Variants in CFAP46 observed in about 807,000 individuals in gnomAD.
CFAP46 encodes cilia- and flagella-associated protein 46.
CFAP46 carries 245 observed loss-of-function variants against 325.7 expected under a neutral mutation model. The ratio of observed to expected loss-of-function variants is 0.75; its 90% CI spans 0.68 to 0.84. The LOEUF is 0.84. Among genes scored for constraint, CFAP46 ranks in the 40% least tolerant of loss-of-function variants. The pLI, the probability that CFAP46 is intolerant of heterozygous loss-of-function variation, is 0.00. For missense variants in CFAP46, 3,346 were observed against 3,543.0 expected (o/e 0.94, Z 1.41); for synonymous variants, 1,523 against 1,495.9 (o/e 1.02, Z -0.42).
In CFAP46 at chr10:132,890,723, C is replaced by A. The variant is rs149304498; in HGVS notation, c.3304+1610G>T. Among the ~76,000 whole-genome samples, 22 of 152,292 alleles carry A rather than the reference C, an allele frequency of 1.4e-4. 2 individuals carry two copies. In the East Asian group the frequency reaches 4.1e-3, roughly 28 times the overall value. ...CCTAGGATTAACCCTTCCTCTGCTG[C>A]AGCCTAGCCTCTCAGTGGACGGACT... On this transcript the variant is annotated intron_variant, in intron 25 of 57. Coordinates refer to ENST00000368586, the MANE Select transcript of CFAP46 (RefSeq NM_001200049.3).
At chr10:132,818,636 T>C (rs1165426601) in intron 50 of CFAP46, among the ~76,000 whole-genome samples, 1 of 152,108 alleles carries the variant, frequency 6.6e-6, no homozygotes, top group East Asian at 1.9e-4. Flanking sequence ...GTGGATCACC[T>C]GAGGGCAGGA....
chr10:132,878,309 G>A (rs762388476), intron 29 of CFAP46, among the ~76,000 whole-genome samples: 53 of 152,298 alleles, frequency 3.5e-4, no homozygotes, highest in South Asian at 1.5e-3. Flanking sequence ...GGACATGCCC[G>A]TGAGCCTGCT....
chr10:132,912,473 CTT>C (rs1222555168), intron 19 of CFAP46, among the ~76,000 whole-genome samples, 180 bp downstream of exon 19: 2 of 139,586 alleles, frequency 1.4e-5, no homozygotes, highest in African/African-American at 5.4e-5. Context: ...CTCTCTCTCT[CTT>C]CACATCTCTC....
At chr10:132,898,669 G>A (rs1330658363) in intron 24 of CFAP46, 1 of 478,616 alleles carries the variant, frequency 2.1e-6, no homozygotes, top group Middle Eastern at 3.0e-4. Flanking sequence ...TTAAGGCAGG[G>A]ACTGTGCTGG....
rs1261151531 is a variant in CFAP46 at position 132,939,769 on chromosome 10, G to A, written c.372-1016C>T. ...GTCTCCCTGAGTGCTGCGTCTCCCT[G>A]AGTGCTGCGTCTCGAAAGGAACCCG... On this transcript the variant is annotated intron_variant, in intron 4 of 57. Coordinates refer to ENST00000368586, the MANE Select transcript of CFAP46 (RefSeq NM_001200049.3). The surrounding 1 kb of genome is among the most constrained non-coding windows in gnomAD (Gnocchi z 4.6). Among the ~76,000 whole-genome samples, 3 of 152,132 alleles carry A rather than the reference G, an allele frequency of 2.0e-5. No individual in the cohort carries two copies. Among genetic ancestry groups the A allele is most frequent in the African/African-American group, 7.2e-5 (3 of 41,428 alleles).
Position 132,850,451 on chromosome 10 carries a change from G to C in CFAP46, c.5764-19C>G. On this transcript the variant is annotated intron_variant, in intron 40 of 57. Transcript: ENST00000368586. ...ACCATTGCTTCGAAAAGACAGACAT[G>C]TTACAGCTGCCACCCCAAGGGCAAC... 6.5e-7 allele frequency: 1 copy of C among 1,534,238 alleles called. No homozygotes were observed. The highest frequency in any genetic ancestry group is 8.8e-7 in the Non-Finnish European group (1 of 1,135,186).
intron 3 of CFAP46, 79 bp downstream of exon 3, chr10:132,941,512 C>T (rs1039620354): frequency 6.6e-7 from 1 of 1,526,074 alleles, no homozygotes; most frequent in African/African-American, 1.4e-5. Context: ...CGATTTTAAG[C>T]CTGGTCTAGC....
intron 32 of CFAP46, among the ~76,000 whole-genome samples, chr10:132,870,745 G>A (rs1260908585): frequency 6.6e-6 from 1 of 152,210 alleles, no homozygotes; most frequent in Non-Finnish European, 1.5e-5. Context: ...CTGGACAGAA[G>A]CTGTCTCTGT....
chr10:132,940,597 T>A (rs772898015), intron 4 of CFAP46, among the ~76,000 whole-genome samples: 1 of 151,836 alleles, frequency 6.6e-6, no homozygotes, highest in Non-Finnish European at 1.5e-5. Flanking sequence ...TTTTTTTTAT[T>A]GATACAGAGT....
intron 37 of CFAP46, 113 bp from the exon 38 acceptor site, chr10:132,859,360 C>A: frequency 1.2e-6 from 1 of 843,942 alleles, no homozygotes; most frequent in Non-Finnish European, 1.8e-6. Flanking sequence ...CTCGGAGAAA[C>A]GCTTTCGGAG....
intron 55 of CFAP46, 98 bp from the exon 56 acceptor site, chr10:132,811,129 G>A: frequency 9.5e-7 from 1 of 1,048,094 alleles, no homozygotes; most frequent in South Asian, 1.4e-5. Context: ...GGGCGCAGCA[G>A]GGCATGGCAC....
intron 41 of CFAP46, among the ~76,000 whole-genome samples, chr10:132,849,333 G>A (rs1564776834): frequency 6.6e-6 from 1 of 152,234 alleles, no homozygotes. Context: ...TCCTGAAGAC[G>A]CAGGACAGAC....
chr10:132,848,311 G>A (rs1184334474), intron 41 of CFAP46, among the ~76,000 whole-genome samples: 3 of 152,192 alleles, frequency 2.0e-5, no homozygotes, highest in African/African-American at 7.2e-5. Flanking sequence ...GAAGAGAAAA[G>A]GAAAAGTCAG....
In CFAP46 at chr10:132,882,287, T is replaced by A. The variant is rs114779300; in HGVS notation, c.3628-1255A>T. ...GTGGGGGTATTGGGTGTGAATGGTG[T>A]GTATGAGATGTGGGTTACAGGTGTG... On this transcript the variant is annotated intron_variant, in intron 27 of 57. Transcript: ENST00000368586. Among the ~76,000 whole-genome samples, 758 of 149,210 alleles carry A rather than the reference T, an allele frequency of 5.1e-3. 6 individuals are homozygous for A. The highest frequency in any genetic ancestry group is 0.017 in the African/African-American group (695 of 40,192).
At position 132,878,096 on chromosome 10, in the gene CFAP46, G is replaced by A. The variant is rs1369334498; in HGVS notation, c.4006-9C>T. The A allele has an allele frequency of 1.9e-6, 3 of 1,550,422 alleles. No homozygotes were observed. The highest frequency in any genetic ancestry group is 2.6e-6 in the Non-Finnish European group (3 of 1,146,906). On this transcript the variant is annotated splice_polypyrimidine_tract_variant and intron_variant, in intron 29 of 57. Coordinates refer to ENST00000368586, the MANE Select transcript of CFAP46 (RefSeq NM_001200049.3). ...GCTGTCATCAAAGAAACCTGGTGGG[G>A]ATGAAATCCACATTTGCAGCACTGA...
chr10:132,881,657 C>T (rs1159533912), intron 27 of CFAP46, among the ~76,000 whole-genome samples: 3 of 73,318 alleles, frequency 4.1e-5, no homozygotes, highest in African/African-American at 9.5e-5. Context: ...GCCTGCACCG[C>T]ACCCTCCGCA....
At chr10:132,837,380 C>A (rs1219510078) in intron 44 of CFAP46, among the ~76,000 whole-genome samples, 1 of 152,168 alleles carries the variant, frequency 6.6e-6, no homozygotes, top group African/African-American at 2.4e-5. Flanking sequence ...CACGGACACA[C>A]ACAGATGCAC....
intron 39 of CFAP46, among the ~76,000 whole-genome samples, chr10:132,853,093 A>G (rs1591054627): frequency 1.6e-5 from 1 of 63,658 alleles, no homozygotes; most frequent in African/African-American, 4.0e-5. Context: ...GTCAACACGG[A>G]ACACAGGTGA....
intron 26 of CFAP46, among the ~76,000 whole-genome samples, 159 bp from the exon 27 acceptor site, chr10:132,885,445 G>A (rs1374531593): frequency 6.6e-6 from 1 of 151,036 alleles, no homozygotes; most frequent in Non-Finnish European, 1.5e-5. Flanking sequence ...CGGGGGTCTC[G>A]GGGGTGAGCG....
Sources: allele counts gnomAD v4.1 joint callset (sites outside exome capture counted in the v4.1 genomes callset), GRCh38; gene constraint gnomAD v4.1.1; non-coding constraint Gnocchi (gnomAD v3.1); transcripts MANE v1.5; gene names NCBI Gene and HGNC (gene_info 2026-07-23, HGNC 2026-07-21).